Variants in ZBTB20 observed in about 807,000 individuals in gnomAD.
The protein encoded by ZBTB20 is zinc finger and BTB domain-containing protein 20.
In ZBTB20, 9 loss-of-function variants were observed where a neutral mutation model predicts 56.9. The ratio of observed to expected loss-of-function variants is 0.16; its 90% CI spans 0.10 to 0.28. The LOEUF (loss-of-function observed/expected upper bound fraction) is 0.28, where lower values mean the gene tolerates loss of function less well. Ranked by LOEUF, ZBTB20 falls within the 10% of genes least tolerant of loss-of-function variation. The pLI, the probability that ZBTB20 is intolerant of heterozygous loss-of-function variation, is 1.00. For missense variants in ZBTB20, 655 were observed against 1,003.0 expected (o/e 0.65, Z 4.69); for synonymous variants, 417 against 420.7 (o/e 0.99, Z 0.11).
intron 6 of ZBTB20, chr3:114,518,411 A>C (rs1020220373): frequency 6.6e-6 from 1 of 152,232 alleles, no homozygotes; most frequent in Non-Finnish European, 1.5e-5. Flanking sequence ...ATATGAACTA[A>C]TCACTTGCCA....
At chr3:114,983,388 G>T (rs376079858) in intron 2 of ZBTB20, among the ~76,000 whole-genome samples, 35 of 152,076 alleles carry the variant, frequency 2.3e-4, no homozygotes, top group African/African-American at 7.9e-4. Context: ...GCCAGTTAGA[G>T]AAATTAAAGC....
At chr3:114,854,775 G>A (rs931916123) in intron 4 of ZBTB20, among the ~76,000 whole-genome samples, 6 of 152,148 alleles carry the variant, frequency 3.9e-5, no homozygotes, top group Non-Finnish European at 5.9e-5. Context: ...TTATTTCTGT[G>A]TTTTTAATTG....
intron 7 of ZBTB20, among the ~76,000 whole-genome samples, chr3:114,494,305 G>A (rs563788615): frequency 1.8e-4 from 28 of 152,136 alleles, no homozygotes; most frequent in African/African-American, 6.3e-4. Flanking sequence ...CTCTGAAAAG[G>A]GGCCCTTAGT....
chr3:115,128,923 C>A (rs1420994903), intron 1 of ZBTB20, among the ~76,000 whole-genome samples: 2 of 152,026 alleles, frequency 1.3e-5, no homozygotes, highest in Admixed American at 6.5e-5. Flanking sequence ...CACAGTGAAA[C>A]CCCGTCTCTA....
intron 2 of ZBTB20, among the ~76,000 whole-genome samples, chr3:114,992,074 TTCTC>T (rs1006011480): frequency 1.5e-4 from 23 of 151,976 alleles, no homozygotes; most frequent in Non-Finnish European, 2.6e-4. Context: ...ACTTTTCAAC[TTCTC>T]TCTCTTTCTG....
intron 6 of ZBTB20, among the ~76,000 whole-genome samples, chr3:114,622,150 T>A (rs1466683507): frequency 2.0e-5 from 3 of 152,072 alleles, no homozygotes; most frequent in Non-Finnish European, 4.4e-5. Context: ...CTAATAGACA[T>A]CCCTACCAGA....
chr3:114,852,711 T>TTTGTTTAA (rs1331576195), intron 4 of ZBTB20, among the ~76,000 whole-genome samples: 2 of 152,252 alleles, frequency 1.3e-5, no homozygotes, highest in African/African-American at 4.8e-5. Flanking sequence ...TTAAAGCTAT[T>TTTGTTTAA]AGCTTTGCTT....
intron 7 of ZBTB20, among the ~76,000 whole-genome samples, chr3:114,428,984 T>TTATA (rs200340662): frequency 0.069 from 10,457 of 151,612 alleles, 431 homozygotes; most frequent in East Asian, 0.18. Flanking sequence ...ATTTAAACAA[T>TTATA]TATACATATA....
intron 6 of ZBTB20, among the ~76,000 whole-genome samples, chr3:114,526,877 G>A (rs942726845): frequency 6.6e-6 from 1 of 152,200 alleles, no homozygotes; most frequent in Non-Finnish European, 1.5e-5. Context: ...AGTCTCACAA[G>A]TAGAACTACT....
intron 3 of ZBTB20, among the ~76,000 whole-genome samples, chr3:114,937,157 G>A (rs555143976): frequency 3.3e-5 from 5 of 152,260 alleles, no homozygotes; most frequent in African/African-American, 1.2e-4. Context: ...TGGGTCAAAT[G>A]GTAGTTCTGG....
intron 2 of ZBTB20, among the ~76,000 whole-genome samples, chr3:114,988,435 C>CT (rs1444721105): frequency 2.0e-5 from 3 of 151,792 alleles, no homozygotes; most frequent in Non-Finnish European, 4.4e-5. Context: ...ATGAACTCAT[C>CT]TTTTTTATGG....
intron 6 of ZBTB20, among the ~76,000 whole-genome samples, chr3:114,587,178 G>T (rs2055267511): frequency 6.6e-6 from 1 of 151,828 alleles, no homozygotes; most frequent in Non-Finnish European, 1.5e-5. Flanking sequence ...TGTATTTTTA[G>T]TAGAGACGGG....
intron 5 of ZBTB20, among the ~76,000 whole-genome samples, chr3:114,743,246 T>A (rs2066757129): frequency 6.6e-6 from 1 of 152,126 alleles, no homozygotes; most frequent in Admixed American, 6.5e-5. Flanking sequence ...CACTAAAATT[T>A]GGAATGGCTT....
intron 3 of ZBTB20, among the ~76,000 whole-genome samples, chr3:114,900,967 C>T (rs1012835544): frequency 2.0e-5 from 3 of 152,038 alleles, no homozygotes; most frequent in African/African-American, 7.2e-5. Flanking sequence ...AAACTGCCAG[C>T]GAAGTAGGTA....
chr3:114,516,288 G>A (rs748859077), intron 6 of ZBTB20, among the ~76,000 whole-genome samples: 2 of 152,032 alleles, frequency 1.3e-5, no homozygotes, highest in Non-Finnish European at 2.9e-5. Flanking sequence ...CCATTGTCTG[G>A]TGACACCACA....
chr3:114,957,763 T>G (rs2077298810), intron 3 of ZBTB20, among the ~76,000 whole-genome samples: 1 of 152,224 alleles, frequency 6.6e-6, no homozygotes, highest in African/African-American at 2.4e-5. Flanking sequence ...GACAAAAGGT[T>G]GCTAGCTCAA....
intron 7 of ZBTB20, among the ~76,000 whole-genome samples, chr3:114,428,782 A>C (rs1005247689): frequency 1.3e-5 from 2 of 152,220 alleles, no homozygotes. Flanking sequence ...CTAGAGAGAA[A>C]GAATCAAATT....
chr3:114,386,839 T>C (rs1219542574), intron 8 of ZBTB20, among the ~76,000 whole-genome samples: 1 of 152,152 alleles, frequency 6.6e-6, no homozygotes, highest in Admixed American at 6.5e-5. Flanking sequence ...TTATACTTTC[T>C]GGAAGGAAAG....
intron 6 of ZBTB20, among the ~76,000 whole-genome samples, chr3:114,532,101 C>A: frequency 6.6e-6 from 1 of 152,180 alleles, no homozygotes. Context: ...AATTATTTTT[C>A]ATACCCCAGT....
Sources: gnomAD v4.1 joint callset for allele counts (sites outside exome capture counted in the v4.1 genomes callset) on GRCh38, gnomAD v4.1.1 for gene constraint, MANE v1.5 for transcripts, NCBI Gene and HGNC (gene_info 2026-07-23, HGNC 2026-07-21) for gene names.